ABCB5: variants seen among roughly 807,000 people sequenced by gnomAD.
ABCB5 encodes the protein ATP-binding cassette sub-family B member 5.
A neutral mutation model predicts 144.2 loss-of-function variants in ABCB5; 155 were observed. The ratio of observed to expected loss-of-function variants is 1.08; its 90% CI spans 0.94 to 1.23. The LOEUF is 1.23. Ranked by LOEUF, ABCB5 falls within the 50% of genes most tolerant of loss-of-function variation. The probability of loss-of-function intolerance (pLI) is 0.00; values close to 1 mark genes in which losing one functional copy is unlikely to be tolerated. For missense variants in ABCB5, 1,830 were observed against 1,520.8 expected, an observed-to-expected ratio of 1.20 and a Z score of -3.38; for synonymous variants, 610 against 528.6, an observed-to-expected ratio of 1.15 and a Z score of -2.11.
chr7:20,660,065 C>T, intron 14 of ABCB5: 2 of 985,440 alleles, frequency 2.0e-6, no homozygotes, highest in Non-Finnish European at 2.4e-6. Context: ...GCAGTATTTT[C>T]ATCCACTGGT....
chr7:20,686,778 C>A (rs955500112), intron 16 of ABCB5, among the ~76,000 whole-genome samples: 1 of 152,132 alleles, frequency 6.6e-6, no homozygotes, highest in Admixed American at 6.6e-5. Flanking sequence ...GAGTTTCCTT[C>A]TTCTCCTTGG....
At chr7:20,752,687 A>G (rs1360745655) in intron 26 of ABCB5, among the ~76,000 whole-genome samples, 1 of 152,158 alleles carries the variant, frequency 6.6e-6, no homozygotes, top group Non-Finnish European at 1.5e-5. Context: ...TCTCTACTAA[A>G]AATACAAAAA....
chr7:20,689,978 C>T (rs922925773), intron 16 of ABCB5, among the ~76,000 whole-genome samples: 4 of 152,100 alleles, frequency 2.6e-5, no homozygotes, highest in Admixed American at 1.3e-4. Context: ...ACTGAGGGAC[C>T]GGTTCATGCA....
At chr7:20,699,727 A>G in intron 17 of ABCB5, 98 bp from the exon 18 acceptor site, 1 of 745,034 alleles carries the variant, frequency 1.3e-6, no homozygotes, top group Non-Finnish European at 2.1e-6. Flanking sequence ...AAAAAAAAAG[A>G]AATGTATTTT....
At chr7:20,642,387 G>A (rs1213980037) in intron 5 of ABCB5, among the ~76,000 whole-genome samples, 1 of 152,052 alleles carries the variant, frequency 6.6e-6, no homozygotes, top group Non-Finnish European at 1.5e-5. Context: ...TTCACGTTTT[G>A]GATCCCAGCT....
rs549307399 is a variant in ABCB5 at position 20,629,670 on chromosome 7, G to C, written c.259+832G>C. On this transcript the variant is annotated intron_variant, in intron 4 of 27. Coordinates refer to ENST00000404938, the MANE Select transcript of ABCB5 (RefSeq NM_001163941.2). ...CCAGCTACTCGGGAGGCTGAGGCAG[G>C]AGAATTGTTTGAACCCAGGAGGCAG... 2.0e-5 allele frequency among the ~76,000 whole-genome samples: 3 copies of C among 152,166 alleles called. No individual in the cohort carries two copies. The South Asian group carries it at 6.2e-4, about 32-fold the overall frequency.
intron 25 of ABCB5, among the ~76,000 whole-genome samples, chr7:20,744,242 A>AT (rs1782651053): frequency 6.6e-6 from 1 of 151,684 alleles, no homozygotes; most frequent in Admixed American, 6.6e-5. Context: ...TAGTTTTTGT[A>AT]TTTTTTGTAG....
chr7:20,699,837 AATG>A lies in ABCB5; in HGVS notation c.2170_2172del (p.Asp724del). The stretch of plus-strand genomic sequence containing the variant: ...TGTTCCTTTTCAGATGTTTGGAAAT[AATG>A]ATAAAACCACATTAAAGCATGATGC... On this transcript the variant is annotated inframe_deletion, in exon 18 of 28. Transcript: ENST00000404938. 1 of 1,600,162 alleles carries A rather than the reference AATG, an allele frequency of 6.2e-7. No individual in the cohort carries two copies. Among genetic ancestry groups the A allele is most frequent in the Non-Finnish European group, 8.5e-7 (1 of 1,172,498 alleles).
At chr7:20,753,217 C>T (rs1225597137) in intron 26 of ABCB5, 143 bp from the exon 27 acceptor site, 8 of 1,004,624 alleles carry the variant, frequency 8.0e-6, no homozygotes, top group Non-Finnish European at 1.1e-5. Flanking sequence ...GCAACAAAGC[C>T]CAAGAATAGA....
chr7:20,684,522 G>C (rs2128039887), intron 15 of ABCB5, among the ~76,000 whole-genome samples: 1 of 152,284 alleles, frequency 6.6e-6, no homozygotes, highest in South Asian at 2.1e-4. Flanking sequence ...GGAAGGCTGA[G>C]GCAGGAGGAC....
chr7:20,708,071 C>T (rs960129350), intron 20 of ABCB5, among the ~76,000 whole-genome samples: 1 of 152,040 alleles, frequency 6.6e-6, no homozygotes, highest in Admixed American at 6.6e-5. Context: ...TCCCAAAGTG[C>T]TGGATTACAG....
chr7:20,637,631 G>T (rs371564281), intron 5 of ABCB5, among the ~76,000 whole-genome samples: 12 of 152,098 alleles, frequency 7.9e-5, no homozygotes, highest in Admixed American at 5.2e-4. Context: ...TGTTGGTCAG[G>T]CTGGTCTTGA....
intron 20 of ABCB5, among the ~76,000 whole-genome samples, chr7:20,722,465 T>G (rs1781899033): frequency 6.6e-6 from 1 of 152,232 alleles, no homozygotes. Context: ...GTTCCTATCA[T>G]GCTTCTATAC....
At chr7:20,699,797 C>G in intron 17 of ABCB5, 28 bp from the exon 18 acceptor site, 1 of 1,456,980 alleles carries the variant, frequency 6.9e-7, no homozygotes, top group South Asian at 1.3e-5. Context: ...TTCCCCCAAA[C>G]ACCTGATAAA....
intron 14 of ABCB5, among the ~76,000 whole-genome samples, chr7:20,673,170 G>C (rs1258972204): frequency 2.6e-5 from 4 of 152,120 alleles, no homozygotes; most frequent in African/African-American, 9.7e-5. Context: ...TTTATTAAGA[G>C]TCGTTTTATG....
intron 5 of ABCB5, among the ~76,000 whole-genome samples, chr7:20,637,116 T>C (rs188530123): frequency 5.9e-5 from 9 of 152,306 alleles, no homozygotes; most frequent in Non-Finnish European, 1.0e-4. Flanking sequence ...ACTAATATTT[T>C]AATGAACATA....
intron 14 of ABCB5, among the ~76,000 whole-genome samples, chr7:20,669,451 C>T (rs1785383697): frequency 7.3e-6 from 1 of 137,000 alleles, no homozygotes; most frequent in African/African-American, 2.9e-5. Context: ...CTCTCTGAAA[C>T]ATGTGCTGTG....
At chr7:20,731,718 C>G (rs10266880) in intron 23 of ABCB5, among the ~76,000 whole-genome samples, 1 of 152,146 alleles carries the variant, frequency 6.6e-6, no homozygotes, top group East Asian at 1.9e-4. Flanking sequence ...AACCACCATC[C>G]ACACAGTTGT....
chr7:20,640,364 A>G (rs767063813), intron 5 of ABCB5, among the ~76,000 whole-genome samples: 1 of 152,100 alleles, frequency 6.6e-6, no homozygotes, highest in African/African-American at 2.4e-5. Context: ...CTTTTTTTTA[A>G]AGACACCTTA....
Sources: gnomAD v4.1 joint callset for allele counts (sites outside exome capture counted in the v4.1 genomes callset) on GRCh38, gnomAD v4.1.1 for gene constraint, MANE v1.5 for transcripts, NCBI Gene and HGNC (gene_info 2026-07-23, HGNC 2026-07-21) for gene names.